Variants in SLC5A11 observed in about 807,000 individuals in gnomAD.
SLC5A11 encodes the protein sodium/myo-inositol cotransporter 2.
In SLC5A11, 48 loss-of-function variants were observed where a neutral mutation model predicts 69.8. The observed-to-expected ratio is 0.69, with a 90% CI of 0.55 to 0.87. The LOEUF is 0.87. Among genes scored for constraint, SLC5A11 ranks in the 40% least tolerant of loss-of-function variants. The pLI is 0.00. For missense variants in SLC5A11, 784 were observed against 866.1 expected (o/e 0.91, Z 1.19); for synonymous variants, 319 against 342.4 (o/e 0.93, Z 0.75).
chr16:24,905,252 C>T (rs958590451), intron 10 of SLC5A11, among the ~76,000 whole-genome samples: 7 of 137,916 alleles, frequency 5.1e-5, no homozygotes, highest in African/African-American at 1.4e-4. Flanking sequence ...GATGGAACCC[C>T]GTCTCTACTA....
chr16:24,890,974 C>G, exon 9 of SLC5A11: 2 of 1,614,192 alleles, frequency 1.2e-6, no homozygotes, highest in South Asian at 1.1e-5. Context: ...CGGGAAGATG[C>G]CTTCCATATT....
chr16:24,906,993 AC>A, intron 11 of SLC5A11, 31 bp from the exon 13 acceptor site: 1 of 1,606,662 alleles, frequency 6.2e-7, no homozygotes, highest in Non-Finnish European at 8.5e-7. Flanking sequence ...GCAGAAAAGG[AC>A]CGAGGCCCAT....
At chr16:24,883,957 C>A in intron 7 of SLC5A11, 94 bp from the exon 9 acceptor site, 1 of 1,122,564 alleles carries the variant, frequency 8.9e-7, no homozygotes, top group Non-Finnish European at 1.3e-6. Flanking sequence ...AGAAATCTCC[C>A]ATCGGGTCCT....
chr16:24,890,744 T>G, intron 8 of SLC5A11, 125 bp from the exon 10 acceptor site: 1 of 863,854 alleles, frequency 1.2e-6, no homozygotes, highest in Non-Finnish European at 1.9e-6. Context: ...TTAAGAACCC[T>G]TAAGGGGATT....
At chr16:24,907,291 G>A (rs1280649439) in intron 12 of SLC5A11, 116 bp downstream of exon 13, 14 of 1,124,476 alleles carry the variant, frequency 1.2e-5, no homozygotes, top group Non-Finnish European at 1.8e-5. Flanking sequence ...AGGACTCCAT[G>A]TGCAAGACAT....
intron 1 of SLC5A11, among the ~76,000 whole-genome samples, chr16:24,854,673 C>A (rs1265679012): frequency 6.6e-6 from 1 of 152,186 alleles, no homozygotes; most frequent in East Asian, 1.9e-4. Context: ...CTCAGGTGAT[C>A]CTCCTGCCTT....
At chr16:24,896,920 C>A (rs917036830) in intron 9 of SLC5A11, among the ~76,000 whole-genome samples, 1 of 149,270 alleles carries the variant, frequency 6.7e-6, no homozygotes, top group African/African-American at 2.5e-5. Context: ...AAGGAGGCAC[C>A]AGGAGTTAGA....
chr16:24,884,210 C>G, intron 8 of SLC5A11, 79 bp downstream of exon 9: 2 of 1,386,934 alleles, frequency 1.4e-6, no homozygotes, highest in Non-Finnish European at 2.0e-6. Context: ...ACACTGTGAA[C>G]GGCAAACCTA....
chr16:24,858,902 G>A, intron 2 of SLC5A11, 124 bp downstream of exon 3: 1 of 1,253,738 alleles, frequency 8.0e-7, no homozygotes, highest in Non-Finnish European at 1.1e-6. Context: ...CTAACACAAG[G>A]TTATAGAGTA....
At chr16:24,892,049 T>TA (rs35705061) in intron 9 of SLC5A11, among the ~76,000 whole-genome samples, 34,112 of 96,578 alleles carry the variant, frequency 0.35, 6,136 homozygotes, top group South Asian at 0.43. Context: ...AGACCATCTC[T>TA]AAAAAAAAAA....
At chr16:24,911,363 G>A (rs569550767) in exon 16 of SLC5A11, 1 of 1,614,042 alleles carries the variant, frequency 6.2e-7, no homozygotes, top group South Asian at 1.1e-5. Context: ...AGTGGTGAAG[G>A]CCATCCTGTG....
chr16:24,855,278 GC>G lies in SLC5A11; in HGVS notation c.-24-3337del, dbSNP rs1206130570. Among the ~76,000 whole-genome samples, 9 of 152,138 alleles carry G rather than the reference GC, an allele frequency of 5.9e-5. No homozygotes were observed. The East Asian group carries it at 1.5e-3, about 26-fold the overall frequency. On this transcript the variant is annotated intron_variant, in intron 1 of 15. Transcript: ENST00000347898. ...AGAGGGTTAGGGTTATGAGGACTCT[GC>G]CCCCATGGATGGGATTAGCACGTTT...
intron 4 of SLC5A11, 31 bp from the exon 6 acceptor site, chr16:24,872,129 G>A (rs886379723): frequency 1.2e-6 from 2 of 1,613,922 alleles, no homozygotes; most frequent in African/African-American, 1.3e-5. Flanking sequence ...GTGAGCTGGG[G>A]GCCAAGTCCT....
intron 9 of SLC5A11, among the ~76,000 whole-genome samples, chr16:24,896,650 G>T (rs1395843635): frequency 6.6e-6 from 1 of 152,136 alleles, no homozygotes; most frequent in Non-Finnish European, 1.5e-5. Flanking sequence ...AACTGGGCTG[G>T]TACTATGCTC....
intron 4 of SLC5A11, among the ~76,000 whole-genome samples, chr16:24,871,344 C>T (rs1034182693): frequency 7.9e-5 from 12 of 152,132 alleles, no homozygotes; most frequent in African/African-American, 2.9e-4. Flanking sequence ...GGTCATGGCT[C>T]ACTGCAACCT....
chr16:24,859,706 C>G (rs2059679717), intron 2 of SLC5A11, among the ~76,000 whole-genome samples: 2 of 152,158 alleles, frequency 1.3e-5, no homozygotes, highest in African/African-American at 2.4e-5. Flanking sequence ...TTTTAGATAT[C>G]TTTTCACATT....
In SLC5A11 at chr16:24,861,554, G is replaced by T. The variant is rs117383131; in HGVS notation, c.136-1047G>T. 6.8e-3 allele frequency among the ~76,000 whole-genome samples: 890 copies of T among 131,694 alleles called. 10 individuals carry two copies. Among genetic ancestry groups the T allele is most frequent in the Non-Finnish European group, 0.01 (646 of 61,860 alleles). The allele number at this position is 131,694 out of a possible 152,430, so 86.4% of individuals were successfully genotyped here. A position where few individuals can be genotyped will look rare whatever the true frequency, so the allele number is the denominator to read the frequency against. The stretch of plus-strand genomic sequence containing the variant: ...AAGGGAAAAAGAAAGAAAAATAAAA[G>T]AAAAGAAAGAAAGAGAGAGAAAGAA... On this transcript the variant is annotated intron_variant, in intron 2 of 15. Coordinates refer to ENST00000347898, the Ensembl canonical transcript of SLC5A11.
At chr16:24,857,341 C>T (rs761927314) in intron 1 of SLC5A11, among the ~76,000 whole-genome samples, 2 of 152,210 alleles carry the variant, frequency 1.3e-5, no homozygotes, top group Non-Finnish European at 2.9e-5. Flanking sequence ...GCCCTGATCA[C>T]TTGTGGTCAA....
At chr16:24,858,499 T>C (rs912455464) in intron 1 of SLC5A11, 121 bp from the exon 3 acceptor site, 5 of 744,312 alleles carry the variant, frequency 6.7e-6, no homozygotes, top group Non-Finnish European at 8.1e-6. Flanking sequence ...AAGATCTGTC[T>C]TCCACCACAC....
Sources: gnomAD v4.1 joint callset for allele counts (sites outside exome capture counted in the v4.1 genomes callset) on GRCh38, gnomAD v4.1.1 for gene constraint, MANE v1.5 for transcripts, NCBI Gene and HGNC (gene_info 2026-07-23, HGNC 2026-07-21) for gene names.